The following PHF12 variants were observed in gnomAD, a reference collection of about 807,000 sequenced individuals.
The protein encoded by PHF12 is PHD finger protein 12, also known as PHD factor 1.
Under a neutral mutation model 99.8 loss-of-function variants are expected in PHF12, and 6 were observed. The observed-to-expected ratio is 0.06, with a 90% CI of 0.03 to 0.12. PHF12 has a LOEUF of 0.12. Ranked by LOEUF, PHF12 falls within the 10% of genes least tolerant of loss-of-function variation. The pLI, the probability that PHF12 is intolerant of heterozygous loss-of-function variation, is 1.00. For synonymous variants in PHF12, 480 were observed against 514.9 expected, an observed-to-expected ratio of 0.93 and a Z score of 0.92; for missense variants, 954 against 1,300.1, an observed-to-expected ratio of 0.73 and a Z score of 4.09.
At chr17:28,913,318 A>G in intron 8 of PHF12, 41 bp from the exon 9 acceptor site, 2 of 1,564,176 alleles carry the variant, frequency 1.3e-6, no homozygotes. Flanking sequence ...GAAGCCTGAG[A>G]GGCGCCGGTC....
At chr17:28,919,530 T>C in intron 5 of PHF12, among the ~76,000 whole-genome samples, 1 of 147,320 alleles carries the variant, frequency 6.8e-6, no homozygotes, top group African/African-American at 2.7e-5. Flanking sequence ...GTCAGGAGAC[T>C]GAGACTGAGA....
At chr17:28,926,858 TG>T (rs2040283978) in intron 3 of PHF12, 132 bp downstream of exon 3, 2 of 1,553,456 alleles carry the variant, frequency 1.3e-6, no homozygotes, top group Non-Finnish European at 1.7e-6. Flanking sequence ...ATGGGAAGAG[TG>T]GGGTGATTCC....
chr17:28,919,340 T>A, intron 5 of PHF12, 65 bp from the exon 6 acceptor site: 1 of 1,535,196 alleles, frequency 6.5e-7, no homozygotes, highest in East Asian at 2.3e-5. Context: ...AACTTTGACC[T>A]GTGGAACAGC....
chr17:28,942,356 C>CA (rs1042626470), intron 2 of PHF12, among the ~76,000 whole-genome samples: 3 of 151,666 alleles, frequency 2.0e-5, no homozygotes, highest in African/African-American at 4.8e-5. Flanking sequence ...CCTATCTCTA[C>CA]AAAAAAAGGA....
At chr17:28,928,793 C>A (rs547528318) in intron 2 of PHF12, among the ~76,000 whole-genome samples, 20 of 151,494 alleles carry the variant, frequency 1.3e-4, no homozygotes, top group African/African-American at 4.8e-4. Flanking sequence ...AACAAACAAA[C>A]AAACAAACCA....
At chr17:28,918,929 T>G (rs2040108031) in intron 6 of PHF12, among the ~76,000 whole-genome samples, 2 of 152,202 alleles carry the variant, frequency 1.3e-5, no homozygotes, top group African/African-American at 4.8e-5. Context: ...ACTAGTGAGT[T>G]AAGTCTGTAT....
At chr17:28,907,723 G>A in intron 12 of PHF12, 51 bp from the exon 13 acceptor site, 2 of 1,562,578 alleles carry the variant, frequency 1.3e-6, no homozygotes, top group Admixed American at 1.7e-5. Context: ...CAGATTGTAA[G>A]GTGCATGTGT....
chr17:28,909,175 A>G, intron 11 of PHF12: 1 of 388,952 alleles, frequency 2.6e-6, no homozygotes, highest in Non-Finnish European at 4.8e-6. Flanking sequence ...GGGATATTCC[A>G]GCTGGTACTA....
Position 28,910,269 on chromosome 17 carries a change from A to G in PHF12, c.2316T>C (p.Ser772=), listed in dbSNP as rs753246197. 33 of 1,614,228 alleles carry G rather than the reference A, an allele frequency of 2.0e-5. No homozygotes were observed. Among genetic ancestry groups the G allele is most frequent in the Non-Finnish European group, 2.4e-5 (28 of 1,180,050 alleles). The change falls in exon 11 of 15, where the codon AGT becomes AGC. Residue 772 remains serine (S), a synonymous_variant. Transcript: ENST00000332830. ...FPSRVQPSPG[S]VGTHQLASGG... is the part of the protein sequence containing the mutation. ...CAGAAGCCAGCTGATGTGTCCCGAC[A>G]CTGCCCGGTGAAGGTTGGACCCGGG...
intron 8 of PHF12, 137 bp from the exon 9 acceptor site, chr17:28,913,414 G>C: frequency 7.0e-7 from 1 of 1,434,174 alleles, no homozygotes; most frequent in East Asian, 2.5e-5. Flanking sequence ...GGGTGTGCTT[G>C]ACTCCTGATA....
Position 28,906,134 on chromosome 17 carries a change from C to T in PHF12, c.*49G>A, listed in dbSNP as rs1365475156. 2.3e-5 allele frequency: 35 copies of T among 1,523,056 alleles called. No homozygotes were observed. The highest frequency in any genetic ancestry group is 3.0e-5 in the Non-Finnish European group (34 of 1,130,546). 94.3% of individuals were successfully genotyped at this position (1,523,056 alleles called of 1,614,324 possible). ...TTGGTTTGTGTACATTTTTGCATTG[C>T]AGGAGTCTTGGGTGGGTGTACAGGC... On this transcript the variant is annotated 3_prime_UTR_variant, in exon 15 of 15. Transcript: ENST00000332830. This position sits in a 1 kb window ranked among gnomAD's most constrained non-coding sequence, Gnocchi z 4.2.
At chr17:28,917,990 T>C (rs907738919) in intron 6 of PHF12, among the ~76,000 whole-genome samples, 1 of 152,216 alleles carries the variant, frequency 6.6e-6, no homozygotes, top group Non-Finnish European at 1.5e-5. Flanking sequence ...TAACCCATCT[T>C]GATATCAGTC....
intron 2 of PHF12, among the ~76,000 whole-genome samples, chr17:28,934,610 A>ATTTTTTTTTTTTTTTTTTTTTTT: frequency 7.9e-6 from 1 of 126,516 alleles, no homozygotes; most frequent in Non-Finnish European, 1.7e-5. Context: ...TTTCTTTTCT[A>ATTTTTTTTTTTTTTTTTTTTTTT]TTTTTTTTTT....
chr17:28,933,784 A>AT (rs1226524460), intron 2 of PHF12, among the ~76,000 whole-genome samples: 2 of 152,206 alleles, frequency 1.3e-5, no homozygotes, highest in Non-Finnish European at 2.9e-5. Flanking sequence ...GCTGTAGCTC[A>AT]TATCTGTAAT....
chr17:28,912,411 C>T (rs2039975753), intron 9 of PHF12, 71 bp downstream of exon 9: 1 of 1,512,934 alleles, frequency 6.6e-7, no homozygotes, highest in African/African-American at 1.4e-5. Context: ...GATATAAGTG[C>T]TTTTAGAATC....
chr17:28,910,626 T>C (rs898506513), intron 10 of PHF12: 3 of 536,552 alleles, frequency 5.6e-6, no homozygotes, highest in Admixed American at 3.5e-5. Flanking sequence ...AAAGTGCCCC[T>C]AGAAAGGCAG....
In PHF12 at chr17:28,913,363, T is replaced by C. The variant is rs115651568; in HGVS notation, c.1294-86A>G. The C allele has an allele frequency of 2.9e-3, 4,438 of 1,512,108 alleles. 119 individuals are homozygous for C. In the African/African-American group the frequency reaches 0.055, roughly 19 times the overall value. 93.7% of individuals were successfully genotyped at this position (1,512,108 alleles called of 1,614,324 possible). A position where few individuals can be genotyped will look rare whatever the true frequency, so the allele number is the denominator to read the frequency against. On this transcript the variant is annotated intron_variant, in intron 8 of 14. Coordinates refer to ENST00000332830, the MANE Select transcript of PHF12 (RefSeq NM_001033561.2). Reference sequence around the variant, plus strand: ...ACAGTGGCCAGGGCTGCAGCAGAGCTGACAAGCAGTTTCCGAGGTCCCATC... The same window carrying C: ...ACAGTGGCCAGGGCTGCAGCAGAGCCGACAAGCAGTTTCCGAGGTCCCATC...
At chr17:28,915,158 G>A (rs1019981930) in intron 7 of PHF12, among the ~76,000 whole-genome samples, 1 of 152,200 alleles carries the variant, frequency 6.6e-6, no homozygotes, top group African/African-American at 2.4e-5. Flanking sequence ...CTTGGAAGTT[G>A]AGAAGGATCT....
chr17:28,926,611 G>A, intron 3 of PHF12: 1 of 403,872 alleles, frequency 2.5e-6, no homozygotes, highest in Non-Finnish European at 4.5e-6. Flanking sequence ...CAAGTCTCTG[G>A]ATACCAGTGA....
Sources: gnomAD v4.1 joint callset for allele counts (sites outside exome capture counted in the v4.1 genomes callset) on GRCh38, gnomAD v4.1.1 for gene constraint, Gnocchi (gnomAD v3.1) non-coding constraint, MANE v1.5 for transcripts, NCBI Gene and HGNC (gene_info 2026-07-23, HGNC 2026-07-21) for gene names.